Variants in ZNF525 observed in about 807,000 individuals in gnomAD.
The protein encoded by ZNF525 is zinc finger protein 525.
Under a neutral mutation model 37.6 loss-of-function variants are expected in ZNF525, and 33 were observed. The ratio of observed to expected loss-of-function variants is 0.88; its 90% confidence interval spans 0.67 to 1.17. The LOEUF (loss-of-function observed/expected upper bound fraction) is 1.17, where lower values mean the gene tolerates loss of function less well. ZNF525 is among the 50% of genes most tolerant of loss of function. ZNF525 has a pLI of 0.00. For synonymous variants in ZNF525, 170 were observed against 182.3 expected, an observed-to-expected ratio of 0.93 and a Z score of 0.54; for missense variants, 449 against 543.1, an observed-to-expected ratio of 0.83 and a Z score of 1.72.
At chr19:53,367,391 T>C (rs2085456091) in intron 1 of ZNF525, among the ~76,000 whole-genome samples, 1 of 152,170 alleles carries the variant, frequency 6.6e-6, no homozygotes. Flanking sequence ...AAAGCATCAC[T>C]ATTACTGGAT....
Position 53,382,100 on chromosome 19 carries a change from G to T in ZNF525, c.*81G>T. On this transcript the variant is annotated 3_prime_UTR_variant, in exon 4 of 4. Transcript: ENST00000474037. Reference sequence around the variant, plus strand: ...ATTGTGGCAAGATCTTCAGTCATACGTCATCCATTGTATACCATCATAAAT... The same window carrying T: ...ATTGTGGCAAGATCTTCAGTCATACTTCATCCATTGTATACCATCATAAAT... 6.5e-7 allele frequency: 1 copy of T among 1,529,194 alleles called. No homozygotes were observed. The highest frequency in any genetic ancestry group is 9.0e-7 in the Non-Finnish European group (1 of 1,111,872). 94.7% of individuals were successfully genotyped at this position (1,529,194 alleles called of 1,614,324 possible).
intron 3 of ZNF525, among the ~76,000 whole-genome samples, chr19:53,377,617 CAAT>C: frequency 1.3e-5 from 2 of 149,316 alleles, no homozygotes; most frequent in Non-Finnish European, 3.0e-5. Context: ...TGCAGTGGCA[CAAT>C]CTTGGCTAAC....
chr19:53,380,130 A>T (rs2085549274), intron 3 of ZNF525, among the ~76,000 whole-genome samples: 1 of 150,206 alleles, frequency 6.7e-6, no homozygotes, highest in Non-Finnish European at 1.5e-5. Context: ...TCACTTTGTC[A>T]TCCAGGCTGA....
At position 53,366,245 on chromosome 19, in the gene ZNF525, C is replaced by T. The variant is rs1260149815; in HGVS notation, c.-68+486C>T. On this transcript the variant is annotated intron_variant, in intron 1 of 3. Transcript: ENST00000474037. ...CCTCCTCATGCCGGGCCCTGCTGCT[C>T]CCCAGGTCTCCCATCCGCAGTCACA... Among the ~76,000 whole-genome samples the T allele has an allele frequency of 2.6e-5, 3 of 113,920 alleles. 1 individual carries two copies. The highest frequency in any genetic ancestry group is 1.0e-4 in the Admixed American group (1 of 9,938). 74.7% of individuals were successfully genotyped at this position (113,920 alleles called of 152,430 possible). A position where few individuals can be genotyped will look rare whatever the true frequency, so the allele number is the denominator to read the frequency against.
chr19:53,367,313 A>G (rs1199726394), intron 1 of ZNF525, among the ~76,000 whole-genome samples: 3 of 76,372 alleles, frequency 3.9e-5, no homozygotes, highest in Non-Finnish European at 1.2e-4. Flanking sequence ...GAATGAATAC[A>G]TTTTTTTTTT....
chr19:53,370,264 C>A (rs1306987816), intron 1 of ZNF525, among the ~76,000 whole-genome samples: 1 of 150,710 alleles, frequency 6.6e-6, no homozygotes, highest in Non-Finnish European at 1.5e-5. Context: ...ACTAAAAATA[C>A]AAAAAATTAG....
intron 3 of ZNF525, among the ~76,000 whole-genome samples, chr19:53,378,766 T>G (rs1344582826): frequency 1.3e-5 from 2 of 152,160 alleles, no homozygotes; most frequent in African/African-American, 4.8e-5. Context: ...ACAAGTCCTA[T>G]TCACGAGTAG....
chr19:53,374,879 A>G (rs528062252), intron 2 of ZNF525, among the ~76,000 whole-genome samples: 11 of 151,714 alleles, frequency 7.3e-5, no homozygotes, highest in African/African-American at 2.4e-4. Flanking sequence ...GTTTTCATGT[A>G]TTTTCTTTTA....
intron 1 of ZNF525, among the ~76,000 whole-genome samples, chr19:53,371,724 C>T (rs187760972): frequency 3.3e-4 from 51 of 152,290 alleles, no homozygotes; most frequent in African/African-American, 9.9e-4. Context: ...AGGCTGGTCT[C>T]GAACTCCTGA....
chr19:53,372,327 T>C (rs1191794658), intron 2 of ZNF525, 31 bp downstream of exon 2: 1 of 773,202 alleles, frequency 1.3e-6, no homozygotes, highest in Non-Finnish European at 2.3e-6. Context: ...GATTGTTCTG[T>C]CTCCTTCCTT....
At chr19:53,380,063 T>G (rs1369146027) in intron 3 of ZNF525, among the ~76,000 whole-genome samples, 2 of 152,072 alleles carry the variant, frequency 1.3e-5, no homozygotes, top group Non-Finnish European at 2.9e-5. Flanking sequence ...TGCATGGATA[T>G]AGGTAATTTT....
At chr19:53,367,476 C>T (rs562944241) in intron 1 of ZNF525, among the ~76,000 whole-genome samples, 1 of 152,188 alleles carries the variant, frequency 6.6e-6, no homozygotes, top group African/African-American at 2.4e-5. Flanking sequence ...GAGTGGTAGT[C>T]TGCCTGGTTA....
chr19:53,373,796 T>G (rs1473787648), intron 2 of ZNF525, among the ~76,000 whole-genome samples: 1 of 150,890 alleles, frequency 6.6e-6, no homozygotes, highest in Non-Finnish European at 1.5e-5. Context: ...CACTCCAGCC[T>G]GGGCACAGAG....
chr19:53,381,889 AAC>A lies in ZNF525; in HGVS notation c.1311_1312del (p.Lys437AsnfsTer5), dbSNP rs778887863. 5.0e-6 allele frequency: 5 copies of A among 998,300 alleles called. No homozygotes were observed. The highest frequency in any genetic ancestry group is 6.5e-6 in the Non-Finnish European group (4 of 617,128). 61.8% of individuals were successfully genotyped at this position (998,300 alleles called of 1,614,324 possible). ...CATAGGAGAATTCATAATGGAGAGA[AAC>A]TGTACAAATGTAATGAGTGTGGCAA... On this transcript the variant is annotated frameshift_variant, in exon 4 of 4. Coordinates refer to ENST00000474037, the MANE Select transcript of ZNF525 (RefSeq NM_001348156.2). LOFTEE classifies it high-confidence loss of function.
At position 53,382,381 on chromosome 19, in the gene ZNF525, A is replaced by C; in HGVS notation, c.*362A>C. On this transcript the variant is annotated 3_prime_UTR_variant, in exon 4 of 4. Transcript: ENST00000474037. ...AATCTTGAAAGACATAGGAGAATTC[A>C]TAATGGAGAGAAACCGTACAAGTGT... 9.0e-7 allele frequency: 1 copy of C among 1,106,720 alleles called. No individual in the cohort carries two copies. The highest frequency in any genetic ancestry group is 1.4e-6 in the Non-Finnish European group (1 of 723,374). 68.6% of individuals were successfully genotyped at this position (1,106,720 alleles called of 1,614,324 possible).
At chr19:53,366,922 A>T (rs868653519) in intron 1 of ZNF525, among the ~76,000 whole-genome samples, 15 of 148,866 alleles carry the variant, frequency 1.0e-4, no homozygotes, top group African/African-American at 3.5e-4. Flanking sequence ...TATTTAAGGT[A>T]CACAGCGGCT....
rs572010827 is a variant in ZNF525, at chr19:53,366,626, C to CAGAG, written c.-68+869_-68+870insAGAG. Among the ~76,000 whole-genome samples, 1,277 of 150,214 alleles carry CAGAG rather than the reference C, an allele frequency of 8.5e-3. 20 individuals are homozygous for CAGAG. The highest frequency in any genetic ancestry group is 0.029 in the African/African-American group (1,188 of 40,424). Reference sequence around the variant, plus strand: ...GCTAGATGTACAGAGAGATGAAGGACAGCAAGGTAGGGAGAGGGACAGCAA... The same window carrying CAGAG: ...GCTAGATGTACAGAGAGATGAAGGACAGAGAGCAAGGTAGGGAGAGGGACAGCAA... On this transcript the variant is annotated intron_variant, in intron 1 of 3. Coordinates refer to ENST00000474037, the MANE Select transcript of ZNF525 (RefSeq NM_001348156.2).
rs61423492 is a variant in ZNF525 at position 53,382,570 on chromosome 19, C to T, written c.*551C>T. 6 of 652,044 alleles carry T rather than the reference C, an allele frequency of 9.2e-6. No homozygotes were observed. Among genetic ancestry groups the T allele is most frequent in the Non-Finnish European group, 1.7e-5 (6 of 347,182 alleles). The allele number at this position is 652,044 out of a possible 1,614,324, so 40.4% of individuals were successfully genotyped here. A position where few individuals can be genotyped will look rare whatever the true frequency, so the allele number is the denominator to read the frequency against. ...ATACTGGAGAGAAACCTTAGAAGTG[C>T]AATGAGTGTGGCAAAACCTTTCATA... On this transcript the variant is annotated 3_prime_UTR_variant, in exon 4 of 4. Coordinates refer to ENST00000474037, the MANE Select transcript of ZNF525 (RefSeq NM_001348156.2).
intron 1 of ZNF525, among the ~76,000 whole-genome samples, chr19:53,370,413 CAAA>C (rs202164037): frequency 0.054 from 6,364 of 118,180 alleles, 400 homozygotes; most frequent in African/African-American, 0.17. Flanking sequence ...GACTCCATGT[CAAA>C]AAAAAAAAAA....
Sources: gnomAD v4.1 joint callset for allele counts (sites outside exome capture counted in the v4.1 genomes callset) on GRCh38, gnomAD v4.1.1 for gene constraint, MANE v1.5 for transcripts, NCBI Gene and HGNC (gene_info 2026-07-23, HGNC 2026-07-21) for gene names.